MCTP1: variants seen among roughly 807,000 people sequenced by gnomAD.
The protein encoded by MCTP1 is multiple C2 and transmembrane domain-containing protein 1.
MCTP1 carries 69 observed loss-of-function variants against 120.6 expected under a neutral mutation model. The observed-to-expected ratio is 0.57, with a 90% confidence interval of 0.47 to 0.70. The LOEUF (loss-of-function observed/expected upper bound fraction) is 0.70, where lower values mean the gene tolerates loss of function less well. MCTP1 is among the 30% of genes least tolerant of loss of function. The pLI is 0.00. For synonymous variants in MCTP1, 529 were observed against 493.1 expected (o/e 1.07, Z -0.96); for missense variants, 1,203 against 1,248.8 (o/e 0.96, Z 0.55).
intron 1 of MCTP1, among the ~76,000 whole-genome samples, chr5:95,122,833 G>T (rs1758340618): frequency 6.6e-6 from 1 of 152,162 alleles, no homozygotes; most frequent in Non-Finnish European, 1.5e-5. Flanking sequence ...ATGAGTTCTT[G>T]TGATTTGCAA....
At chr5:94,800,769 C>G (rs1781063616) in intron 17 of MCTP1, among the ~76,000 whole-genome samples, 1 of 151,740 alleles carries the variant, frequency 6.6e-6, no homozygotes, top group African/African-American at 2.4e-5. Flanking sequence ...AAGTGGGCAC[C>G]AAAAAGCATA....
intron 17 of MCTP1, among the ~76,000 whole-genome samples, chr5:94,838,238 T>C (rs1790249113): frequency 6.6e-6 from 1 of 152,210 alleles, no homozygotes; most frequent in African/African-American, 2.4e-5. Context: ...CAGAATATTA[T>C]GTAAGTTATA....
chr5:95,255,466 A>G (rs1340536292), intron 1 of MCTP1, among the ~76,000 whole-genome samples: 1 of 152,162 alleles, frequency 6.6e-6, no homozygotes, highest in Non-Finnish European at 1.5e-5. Flanking sequence ...AAGGAAACCA[A>G]ACAAAAAGCT....
intron 16 of MCTP1, among the ~76,000 whole-genome samples, chr5:94,868,810 T>C (rs369710997): frequency 2.0e-5 from 3 of 152,096 alleles, no homozygotes; most frequent in East Asian, 3.9e-4. Flanking sequence ...ATTGATCAAA[T>C]GGTTTAATTT....
chr5:95,090,532 G>A (rs911583000), intron 1 of MCTP1, among the ~76,000 whole-genome samples: 3 of 152,154 alleles, frequency 2.0e-5, no homozygotes, highest in African/African-American at 4.8e-5. Flanking sequence ...GGTATGCAGT[G>A]CACAGATACA....
chr5:95,278,999 T>A (rs115939811), intron 1 of MCTP1, among the ~76,000 whole-genome samples: 2,724 of 151,740 alleles, frequency 0.018, 82 homozygotes, highest in African/African-American at 0.062. Flanking sequence ...GCTTACCTAA[T>A]GCAGATGCCT....
chr5:95,025,382 AG>A (rs748266025), intron 1 of MCTP1, among the ~76,000 whole-genome samples: 2 of 152,220 alleles, frequency 1.3e-5, no homozygotes, highest in Non-Finnish European at 2.9e-5. Context: ...CAATGAAAAA[AG>A]CTCAAAATTG....
chr5:95,058,678 G>GAAGAGGTATGGATAAAGT (rs375442990), intron 1 of MCTP1, among the ~76,000 whole-genome samples: 2 of 152,146 alleles, frequency 1.3e-5, no homozygotes, highest in East Asian at 3.8e-4. Context: ...ATGGATAAAG[G>GAAGAGGTATGGATAAAGT]TGTCCATGGA....
chr5:94,789,680 A>C (rs1477192175), intron 18 of MCTP1: 1 of 152,202 alleles, frequency 6.6e-6, no homozygotes, highest in Non-Finnish European at 1.5e-5. Flanking sequence ...TCTTTTGACT[A>C]AACATTCTGC....
intron 19 of MCTP1, among the ~76,000 whole-genome samples, chr5:94,768,017 T>C (rs1461090264): frequency 2.0e-5 from 3 of 152,162 alleles, no homozygotes; most frequent in African/African-American, 7.2e-5. Context: ...TATAAAGCTT[T>C]AATAACCTAA....
chr5:94,952,562 T>C (rs552898626), intron 3 of MCTP1, among the ~76,000 whole-genome samples: 63 of 152,236 alleles, frequency 4.1e-4, no homozygotes, highest in African/African-American at 1.4e-3. Context: ...GGTCACTGAA[T>C]GAACAGTCAG....
intron 3 of MCTP1, among the ~76,000 whole-genome samples, chr5:94,944,140 C>T (rs1379579774): frequency 1.3e-5 from 2 of 151,920 alleles, no homozygotes; most frequent in Non-Finnish European, 2.9e-5. Flanking sequence ...AAATACTTTG[C>T]ATTACAAAAG....
intron 1 of MCTP1, among the ~76,000 whole-genome samples, chr5:95,173,125 A>G (rs535133346): frequency 2.6e-5 from 4 of 152,216 alleles, no homozygotes; most frequent in East Asian, 3.8e-4. Context: ...AAGACTCACA[A>G]TGTTACTTTA....
intron 19 of MCTP1, among the ~76,000 whole-genome samples, chr5:94,732,574 C>G (rs774490559): frequency 6.6e-6 from 1 of 152,170 alleles, no homozygotes; most frequent in Non-Finnish European, 1.5e-5. Flanking sequence ...TGCCCCATCC[C>G]CACCAAATTC....
intron 17 of MCTP1, among the ~76,000 whole-genome samples, chr5:94,835,963 C>T (rs255214): frequency 0.74 from 112,617 of 151,684 alleles, 43,206 homozygotes; most frequent in Non-Finnish European, 0.84. Flanking sequence ...GAGATGGTGC[C>T]ACTGCACTCC....
chr5:94,743,631 A>ATTTTTT (rs34620641), intron 19 of MCTP1, among the ~76,000 whole-genome samples: 14 of 86,662 alleles, frequency 1.6e-4, no homozygotes, highest in African/African-American at 3.4e-4. Flanking sequence ...CAAAATCCAC[A>ATTTTTT]TTTTTTTTTT....
At chr5:95,171,452 T>G (rs1012321854) in intron 1 of MCTP1, among the ~76,000 whole-genome samples, 15 of 152,224 alleles carry the variant, frequency 9.9e-5, no homozygotes, top group African/African-American at 3.4e-4. Flanking sequence ...ATTTGAATGT[T>G]GGCCTGCCTT....
chr5:95,169,037 T>C (rs1314140107), intron 1 of MCTP1, among the ~76,000 whole-genome samples: 1 of 152,214 alleles, frequency 6.6e-6, no homozygotes, highest in African/African-American at 2.4e-5. Flanking sequence ...TGTGGGTTTG[T>C]CATAAATAGC....
chr5:94,908,151 A>T (rs1197750121), intron 10 of MCTP1, among the ~76,000 whole-genome samples: 1 of 152,086 alleles, frequency 6.6e-6, no homozygotes, highest in African/African-American at 2.4e-5. Context: ...GAACAAGATA[A>T]AACTTTAGGA....
Sources: gnomAD v4.1 joint callset for allele counts (sites outside exome capture counted in the v4.1 genomes callset) on GRCh38, gnomAD v4.1.1 for gene constraint, MANE v1.5 for transcripts, NCBI Gene and HGNC (gene_info 2026-07-23, HGNC 2026-07-21) for gene names.